Variants in AGBL1 observed in about 807,000 individuals in gnomAD.
AGBL1 encodes AGBL carboxypeptidase 1.
A neutral mutation model predicts 118.9 loss-of-function variants in AGBL1; 130 were observed. The observed-to-expected ratio is 1.09, with a 90% CI of 0.95 to 1.26. The LOEUF is 1.26. Among genes scored for constraint, AGBL1 ranks in the 50% most tolerant of loss-of-function variants. The pLI is 0.00. For synonymous variants in AGBL1, 555 were observed against 478.9 expected, an observed-to-expected ratio of 1.16 and a Z score of -2.08; for missense variants, 1,584 against 1,298.1, an observed-to-expected ratio of 1.22 and a Z score of -3.38.
intron 17 of AGBL1, among the ~76,000 whole-genome samples, chr15:86,380,023 C>G (rs2081090378): frequency 6.6e-6 from 1 of 152,172 alleles, no homozygotes. Context: ...CTGGCACAAT[C>G]CTTTGGCATG....
In AGBL1 at chr15:86,158,770, C is replaced by T. The variant is rs376445457; in HGVS notation, c.395-163C>T. 1.9e-3 allele frequency among the ~76,000 whole-genome samples: 281 copies of T among 147,180 alleles called. 3 individuals are homozygous for T. In the South Asian group the frequency reaches 0.047, roughly 25 times the overall value. ...GTCATTACCTTAGTCATGGGAGACC[C>T]GAGAATGACATTATAGAGGAATGTG... is the stretch of plus-strand genomic sequence containing the variant. On this transcript the variant is annotated intron_variant, in intron 4 of 22. Coordinates refer to ENST00000614907, the MANE Select transcript of AGBL1 (RefSeq NM_001386094.1).
intron 5 of AGBL1, among the ~76,000 whole-genome samples, chr15:86,192,945 A>AG (rs2077746113): frequency 6.6e-6 from 1 of 152,180 alleles, no homozygotes; most frequent in Non-Finnish European, 1.5e-5. Flanking sequence ...TTCTATTGAA[A>AG]GCACACATAA....
intron 22 of AGBL1, among the ~76,000 whole-genome samples, chr15:86,891,564 A>G (rs2080052216): frequency 1.3e-5 from 2 of 151,324 alleles, no homozygotes; most frequent in African/African-American, 2.4e-5. Context: ...ACACCATTCA[A>G]CAAGAAATAA....
chr15:86,693,018 C>T (rs756852306), intron 22 of AGBL1, among the ~76,000 whole-genome samples: 8 of 152,020 alleles, frequency 5.3e-5, no homozygotes, highest in Non-Finnish European at 1.2e-4. Context: ...GATTGATAGG[C>T]TTTTGAGCTA....
intron 22 of AGBL1, among the ~76,000 whole-genome samples, chr15:86,781,886 A>AT (rs59836305): frequency 0.18 from 26,768 of 147,098 alleles, 4,504 homozygotes; most frequent in African/African-American, 0.42. Context: ...GGTTTTGCCC[A>AT]TTTTTTTTTT....
chr15:86,336,849 G>A (rs1207493122), intron 17 of AGBL1, among the ~76,000 whole-genome samples: 1 of 152,202 alleles, frequency 6.6e-6, no homozygotes, highest in African/African-American at 2.4e-5. Context: ...CTAGAGGCAA[G>A]CTCCTATGAT....
chr15:86,931,431 C>T (rs1333590202), intron 23 of AGBL1, among the ~76,000 whole-genome samples: 1 of 152,162 alleles, frequency 6.6e-6, no homozygotes, highest in African/African-American at 2.4e-5. Flanking sequence ...TGCTGCAAAA[C>T]CTGGGTAGGA....
intron 22 of AGBL1, among the ~76,000 whole-genome samples, chr15:86,895,912 G>C (rs573342368): frequency 2.6e-5 from 4 of 151,522 alleles, no homozygotes; most frequent in Admixed American, 6.6e-5. Context: ...TTTTTTTCTG[G>C]TTTCTAGAGT....
Position 86,247,721 on chromosome 15 carries a change from G to A in AGBL1, c.577G>A (p.Gly193Arg), listed in dbSNP as rs762492372. Residue 193 changes from glycine to arginine, a missense_variant, in exon 7 of 23, where the codon GGG becomes AGG. By Grantham distance (125) the Gly-to-Arg change is moderately radical. Transcript: ENST00000614907. ...VNRGYVTSLL[G>R]LHQDWHSHDT... is the part of the protein sequence containing the mutation. Reference sequence around the variant, plus strand: ...CCGAGGCTACGTCACCAGCCTGCTCGGGCTGCACCAGGACTGGCACAGCCA... The same window carrying A: ...CCGAGGCTACGTCACCAGCCTGCTCAGGCTGCACCAGGACTGGCACAGCCA... 3.4e-5 allele frequency: 55 copies of A among 1,613,284 alleles called. No homozygotes were observed. Among genetic ancestry groups the A allele is most frequent in the South Asian group, 4.4e-5 (4 of 90,906 alleles).
intron 22 of AGBL1, among the ~76,000 whole-genome samples, chr15:86,879,777 G>A (rs368552114): frequency 7.9e-5 from 12 of 152,284 alleles, no homozygotes; most frequent in East Asian, 5.8e-4. Flanking sequence ...CTGCATGTTT[G>A]TGGGTGTTTG....
At position 86,261,643 on chromosome 15, in the gene AGBL1, A is replaced by T. The variant is rs114348883; in HGVS notation, c.970-1135A>T. 7.7e-3 allele frequency among the ~76,000 whole-genome samples: 1,170 copies of T among 152,118 alleles called. 22 individuals carry two copies. Among genetic ancestry groups the T allele is most frequent in the African/African-American group, 0.027 (1,125 of 41,514 alleles). On this transcript the variant is annotated intron_variant, in intron 9 of 22. Transcript: ENST00000614907. ...TTTTTTTCTCTATTTCATTAAGGAA[A>T]CTTAATCTAGGATATGAAAAGATGA...
chr15:86,250,424 G>A (rs562168147), intron 7 of AGBL1, among the ~76,000 whole-genome samples: 2 of 151,350 alleles, frequency 1.3e-5, no homozygotes, highest in South Asian at 4.2e-4. Context: ...TACTCAGGAG[G>A]CTGAGACAGA....
intron 22 of AGBL1, among the ~76,000 whole-genome samples, chr15:86,825,887 G>GGATAGATAGATAGATA (rs61494287): frequency 7.6e-5 from 11 of 144,234 alleles, no homozygotes; most frequent in African/African-American, 2.8e-4. Context: ...ATAGATGGAT[G>GGATAGATAGATAGATA]GATAGATAGA....
intron 17 of AGBL1, among the ~76,000 whole-genome samples, chr15:86,327,459 A>T (rs940660261): frequency 2.0e-5 from 3 of 152,186 alleles, no homozygotes; most frequent in African/African-American, 7.2e-5. Flanking sequence ...TATTCTTTGG[A>T]TGTAGAAATT....
chr15:86,161,362 C>T (rs1438156271), intron 5 of AGBL1, among the ~76,000 whole-genome samples: 1 of 152,188 alleles, frequency 6.6e-6, no homozygotes, highest in Non-Finnish European at 1.5e-5. Flanking sequence ...TTGAGCCTCT[C>T]ATCTGCTCTG....
intron 18 of AGBL1, among the ~76,000 whole-genome samples, chr15:86,460,605 C>T (rs1424429540): frequency 6.6e-6 from 1 of 152,170 alleles, no homozygotes; most frequent in Non-Finnish European, 1.5e-5. Context: ...GACAGGGATT[C>T]AGAGGGCCTG....
intron 22 of AGBL1, among the ~76,000 whole-genome samples, chr15:86,854,059 A>C (rs2079444522): frequency 6.6e-6 from 1 of 152,170 alleles, no homozygotes; most frequent in Non-Finnish European, 1.5e-5. Flanking sequence ...TTGGGTCTGA[A>C]ATGGCACTGA....
chr15:86,080,661 T>C (rs1350694741), intron 1 of AGBL1, among the ~76,000 whole-genome samples: 1 of 152,206 alleles, frequency 6.6e-6, no homozygotes, highest in Admixed American at 6.5e-5. Flanking sequence ...TGTCTGCACA[T>C]TAGAATCACC....
chr15:86,131,643 C>T (rs7174818), intron 1 of AGBL1, among the ~76,000 whole-genome samples: 53,253 of 151,710 alleles, frequency 0.35, 9,555 homozygotes, highest in South Asian at 0.43. Context: ...AGGTAGACAC[C>T]GAATGGTAAT....
Sources: allele counts gnomAD v4.1 joint callset (sites outside exome capture counted in the v4.1 genomes callset), GRCh38; gene constraint gnomAD v4.1.1; transcripts MANE v1.5; gene names NCBI Gene and HGNC (gene_info 2026-07-23, HGNC 2026-07-21).